The following BICC1 variants were observed in gnomAD, a reference collection of about 807,000 sequenced individuals.
The protein encoded by BICC1 is BicC family RNA binding protein 1.
BICC1 carries 43 observed loss-of-function variants against 111.0 expected under a neutral mutation model. The ratio of observed to expected loss-of-function variants is 0.39; its 90% CI spans 0.30 to 0.50. The LOEUF (loss-of-function observed/expected upper bound fraction) is 0.50. Ranked by LOEUF, BICC1 falls within the 20% of genes least tolerant of loss-of-function variation. The probability of loss-of-function intolerance (pLI) is 0.88; values close to 1 mark genes in which losing one functional copy is unlikely to be tolerated. For missense variants in BICC1, 1,091 were observed against 1,203.2 expected (o/e 0.91, Z 1.38); for synonymous variants, 467 against 434.4 (o/e 1.07, Z -0.93).
intron 3 of BICC1, among the ~76,000 whole-genome samples, chr10:58,716,742 C>A (rs548395883): frequency 6.7e-6 from 1 of 148,254 alleles, no homozygotes; most frequent in Non-Finnish European, 1.5e-5. Context: ...TTTTTCCCCT[C>A]GTATACTTTT....
chr10:58,624,106 T>A (rs1412279575), intron 2 of BICC1, among the ~76,000 whole-genome samples: 1 of 152,206 alleles, frequency 6.6e-6, no homozygotes, highest in Non-Finnish European at 1.5e-5. Context: ...CTTCCCATGG[T>A]TTGCTGGTGA....
intron 2 of BICC1, chr10:58,648,603 C>T (rs1445605008): frequency 2.0e-6 from 2 of 984,600 alleles, no homozygotes; most frequent in South Asian, 4.7e-5. Flanking sequence ...CTCTCTTTCT[C>T]TCTCTCTTTC....
intron 3 of BICC1, among the ~76,000 whole-genome samples, chr10:58,732,327 G>A (rs934041411): frequency 2.7e-4 from 39 of 144,288 alleles, no homozygotes; most frequent in African/African-American, 8.5e-4. Flanking sequence ...AGGAGAGAGA[G>A]AGAGAAAGAA....
intron 3 of BICC1, among the ~76,000 whole-genome samples, chr10:58,734,186 C>A (rs1343446581): frequency 1.3e-5 from 2 of 152,178 alleles, no homozygotes; most frequent in Non-Finnish European, 2.9e-5. Context: ...AGGGTGAGCA[C>A]CCCCTCTCTG....
Position 58,784,553 on chromosome 10 carries a change from G to A in BICC1, c.308-448G>A, listed in dbSNP as rs115002312. ...TGAGTGGTTTTCTGGGAGAAGTTACGAAACCACTCTGTGCTTTAGTTTCCT... is the reference window on the plus strand; with the variant it reads ...TGAGTGGTTTTCTGGGAGAAGTTACAAAACCACTCTGTGCTTTAGTTTCCT... On this transcript the variant is annotated intron_variant, in intron 3 of 20. Transcript: ENST00000373886. Among the ~76,000 whole-genome samples the A allele has an allele frequency of 3.3e-3, 506 of 152,242 alleles. 2 individuals carry two copies. Among genetic ancestry groups the A allele is most frequent in the African/African-American group, 0.012 (489 of 41,538 alleles).
intron 2 of BICC1, among the ~76,000 whole-genome samples, chr10:58,695,870 A>G (rs904623904): frequency 1.3e-5 from 2 of 152,152 alleles, no homozygotes; most frequent in Non-Finnish European, 2.9e-5. Context: ...ATATGAATGG[A>G]AATTATTTTT....
chr10:58,637,657 G>A (rs1213558847), intron 2 of BICC1, among the ~76,000 whole-genome samples: 3 of 152,220 alleles, frequency 2.0e-5, no homozygotes, highest in Non-Finnish European at 2.9e-5. Context: ...TTACTGGTAT[G>A]AATAGTGGGA....
intron 2 of BICC1, among the ~76,000 whole-genome samples, chr10:58,666,923 C>CT (rs1278354180): frequency 6.6e-6 from 1 of 152,072 alleles, no homozygotes; most frequent in Non-Finnish European, 1.5e-5. Flanking sequence ...AAAATTTCAG[C>CT]TATTTGCTCC....
At chr10:58,607,410 A>G (rs1295392392) in intron 1 of BICC1, among the ~76,000 whole-genome samples, 2 of 151,858 alleles carry the variant, frequency 1.3e-5, no homozygotes, top group Non-Finnish European at 2.9e-5. Context: ...TCTAATATCA[A>G]TTGTAAGTTA....
chr10:58,512,837 C>T (rs1170304888), upstream of BICC1, among the ~76,000 whole-genome samples: 2 of 149,230 alleles, frequency 1.3e-5, no homozygotes, highest in Non-Finnish European at 3.0e-5. Flanking sequence ...GGCGCCGAGC[C>T]CTGCGGATGG....
At chr10:58,796,676 A>G (rs1843364873) in intron 10 of BICC1, 150 bp downstream of exon 10, 6 of 694,050 alleles carry the variant, frequency 8.6e-6, no homozygotes, top group Non-Finnish European at 9.0e-6. Context: ...ACCTGAATCA[A>G]TCCATTTTGG....
chr10:58,672,437 C>T (rs1839212371), intron 2 of BICC1, among the ~76,000 whole-genome samples: 1 of 152,072 alleles, frequency 6.6e-6, no homozygotes, highest in Non-Finnish European at 1.5e-5. Flanking sequence ...TGCTAATCTC[C>T]CTGGCATGTT....
intron 10 of BICC1, among the ~76,000 whole-genome samples, chr10:58,797,739 A>T (rs1843402878): frequency 6.6e-6 from 1 of 152,150 alleles, no homozygotes; most frequent in African/African-American, 2.4e-5. Flanking sequence ...TCCACATTTC[A>T]TTCTAGAACA....
chr10:58,682,127 C>T (rs1361132499), intron 2 of BICC1, among the ~76,000 whole-genome samples: 1 of 150,306 alleles, frequency 6.7e-6, no homozygotes, highest in Non-Finnish European at 1.5e-5. Context: ...GGTTGGTTTT[C>T]TGTCCTGGCG....
At chr10:58,569,813 C>G (rs529315414) in intron 1 of BICC1, among the ~76,000 whole-genome samples, 4 of 152,214 alleles carry the variant, frequency 2.6e-5, no homozygotes, top group South Asian at 4.2e-4. Context: ...TGGGTTGGTT[C>G]CAAGTCTTTG....
At chr10:58,596,158 A>G (rs1288650522) in intron 1 of BICC1, among the ~76,000 whole-genome samples, 1 of 152,264 alleles carries the variant, frequency 6.6e-6, no homozygotes, top group Non-Finnish European at 1.5e-5. Flanking sequence ...AGGCTAAACC[A>G]GGAAGAAGTT....
At chr10:58,630,977 A>G (rs1012123520) in intron 2 of BICC1, among the ~76,000 whole-genome samples, 2 of 152,124 alleles carry the variant, frequency 1.3e-5, no homozygotes, top group Non-Finnish European at 2.9e-5. Context: ...TATATACTAT[A>G]AAGTATATAT....
At chr10:58,748,401 G>T (rs1841894376) in intron 3 of BICC1, among the ~76,000 whole-genome samples, 2 of 151,552 alleles carry the variant, frequency 1.3e-5, no homozygotes, top group African/African-American at 4.9e-5. Flanking sequence ...TCTGCCTTTA[G>T]CAATAAATTG....
intron 1 of BICC1, among the ~76,000 whole-genome samples, chr10:58,593,317 C>T (rs1844696155): frequency 7.3e-6 from 1 of 137,698 alleles, no homozygotes; most frequent in African/African-American, 2.7e-5. Context: ...GGCACAGCTT[C>T]AGCAGAATTA....
Sources: gnomAD v4.1 joint callset for allele counts (sites outside exome capture counted in the v4.1 genomes callset) on GRCh38, gnomAD v4.1.1 for gene constraint, MANE v1.5 for transcripts, NCBI Gene and HGNC (gene_info 2026-07-23, HGNC 2026-07-21) for gene names.